TNS4: variants seen among roughly 807,000 people sequenced by gnomAD.
TNS4 encodes tensin-4.
TNS4 carries 46 observed loss-of-function variants against 70.4 expected under a neutral mutation model. The observed-to-expected ratio is 0.65, with a 90% confidence interval of 0.52 to 0.84. The LOEUF (loss-of-function observed/expected upper bound fraction) is 0.84. Ranked by LOEUF, TNS4 falls within the 40% of genes least tolerant of loss-of-function variation. The probability of loss-of-function intolerance (pLI) is 0.00; values close to 1 mark genes in which losing one functional copy is unlikely to be tolerated. For missense variants in TNS4, 863 were observed against 907.0 expected, an observed-to-expected ratio of 0.95 and a Z score of 0.62; for synonymous variants, 390 against 366.6, an observed-to-expected ratio of 1.06 and a Z score of -0.73.
Position 40,480,115 on chromosome 17 carries a change from A to C in TNS4, c.1742-273T>G. ...TGTTGCCCTGTGTGTAGAGGTGCCCAGGAAAACATCCTTCTGTCCACACTT... is the reference window on the plus strand; with the variant it reads ...TGTTGCCCTGTGTGTAGAGGTGCCCCGGAAAACATCCTTCTGTCCACACTT... On this transcript the variant is annotated intron_variant, in intron 9 of 12. Transcript: ENST00000254051. The C allele has an allele frequency of 6.9e-6, 3 of 433,140 alleles. No homozygotes were observed. In the South Asian group the frequency reaches 1.3e-4, roughly 19 times the overall value. 26.8% of individuals were successfully genotyped at this position (433,140 alleles called of 1,614,324 possible). A position where few individuals can be genotyped will look rare whatever the true frequency, so the allele number is the denominator to read the frequency against.
chr17:40,487,451 G>A lies in TNS4; in HGVS notation c.873C>T (p.Ser291=). 6.2e-7 allele frequency: 1 copy of A among 1,603,798 alleles called. No individual in the cohort carries two copies. The highest frequency in any genetic ancestry group is 2.2e-5 in the East Asian group (1 of 44,640). Residue 291 remains serine, a synonymous_variant, in exon 4 of 13, where the codon TCC becomes TCT. Transcript: ENST00000254051. ...DVSYMFGSSQ[S]LLHSSNSSHQ... ...GGCTGGAGTTGCTGGAGTGCAGGAGGGACTGGCTGCTGCAGCGGGAGAGAG... is the reference window on the plus strand; with the variant it reads ...GGCTGGAGTTGCTGGAGTGCAGGAGAGACTGGCTGCTGCAGCGGGAGAGAG...
At chr17:40,484,725 C>G (rs560172048) in intron 5 of TNS4, 116 bp from the exon 6 acceptor site, 1 of 1,507,722 alleles carries the variant, frequency 6.6e-7, no homozygotes, top group Non-Finnish European at 9.0e-7. Context: ...CCCAGGAAGT[C>G]CTTTGTACTG....
At chr17:40,494,406 C>T (rs1005679101) in intron 2 of TNS4, among the ~76,000 whole-genome samples, 27 of 152,318 alleles carry the variant, frequency 1.8e-4, no homozygotes, top group African/African-American at 6.0e-4. Flanking sequence ...TACTTAACCC[C>T]AGCAACCCCA....
intron 6 of TNS4, among the ~76,000 whole-genome samples, chr17:40,482,695 T>G (rs1597690464): frequency 6.6e-6 from 1 of 151,930 alleles, no homozygotes; most frequent in Middle Eastern, 3.4e-3. Context: ...GGAGAATTGC[T>G]TGAACCTGGG....
chr17:40,480,623 C>G (rs973868777), intron 9 of TNS4, 77 bp downstream of exon 9: 4 of 1,346,518 alleles, frequency 3.0e-6, no homozygotes, highest in African/African-American at 1.5e-5. Flanking sequence ...TGCGTGCATG[C>G]GTGCGTGTGT....
chr17:40,485,117 A>G (rs1368842876), intron 4 of TNS4, 110 bp from the exon 5 acceptor site: 3 of 910,070 alleles, frequency 3.3e-6, no homozygotes, highest in South Asian at 3.0e-5. Context: ...CCAAGGTTTC[A>G]TTCAACCACC....
intron 2 of TNS4, among the ~76,000 whole-genome samples, chr17:40,490,855 C>A (rs2036058834): frequency 6.6e-6 from 1 of 152,238 alleles, no homozygotes; most frequent in South Asian, 2.1e-4. Flanking sequence ...TGAAACCAGT[C>A]TTCCAAGGTT....
rs764094995 is a variant in TNS4 at position 40,496,008 on chromosome 17, T to A, written c.418A>T (p.Lys140Ter). 6.2e-7 allele frequency: 1 copy of A among 1,611,762 alleles called. No homozygotes were observed. The highest frequency in any genetic ancestry group is 1.7e-5 in the Admixed American group (1 of 59,382). Residue 140 changes from lysine (K) to a stop codon, truncating the protein, a stop_gained, in exon 2 of 13, where the codon AAG becomes TAG. Coordinates refer to ENST00000254051, the MANE Select transcript of TNS4 (RefSeq NM_032865.6). LOFTEE classifies it high-confidence loss of function. ...LAQSTMSMRK[K>*]EESEALDIKY... ...TTACCCAAGGCTTCAGATTCCTCCT[T>A]CTTTCTCATTGACATGGTGCTCTGG... is the stretch of plus-strand genomic sequence containing the variant.
Position 40,477,632 on chromosome 17 carries a change from T to C in TNS4, c.2104A>G (p.Ile702Val), listed in dbSNP as rs1312991718. The C allele has an allele frequency of 6.2e-7, 1 of 1,614,006 alleles. No individual in the cohort carries two copies. Among genetic ancestry groups the C allele is most frequent in the Non-Finnish European group, 8.5e-7 (1 of 1,180,020 alleles). Residue 702 changes from isoleucine (I) to valine (V), a missense_variant, in exon 13 of 13, where the codon ATC becomes GTC. By Grantham distance (29) the Ile-to-Val change is conservative (BLOSUM62 3). Transcript: ENST00000254051. ...YDMVQPASQV[I>V]GLVTALLQDA... ...TGCAGCAGAGCAGTCACCAGGCCGATGACCTGCGAGGCTGGCTGGACCATG... is the reference window on the plus strand; with the variant it reads ...TGCAGCAGAGCAGTCACCAGGCCGACGACCTGCGAGGCTGGCTGGACCATG...
In TNS4 at chr17:40,485,011, G is replaced by C; in HGVS notation, c.1289-4C>G. ...GGCTGCATGTCCCTGGCGGGACCTG[G>C]AGACAGACAGAGAAGGGGGACCCTG... On this transcript the variant is annotated splice_region_variant and splice_polypyrimidine_tract_variant and intron_variant, in intron 4 of 12. Coordinates refer to ENST00000254051, the MANE Select transcript of TNS4 (RefSeq NM_032865.6). 6.2e-7 allele frequency: 1 copy of C among 1,613,988 alleles called. No individual in the cohort carries two copies. Among genetic ancestry groups the C allele is most frequent in the Non-Finnish European group, 8.5e-7 (1 of 1,179,868 alleles).
chr17:40,490,582 CTGGGTAGGGCCATCTGGCCCTGCTCACAG>C (rs1027769502), intron 2 of TNS4, among the ~76,000 whole-genome samples: 7 of 152,184 alleles, frequency 4.6e-5, no homozygotes, highest in African/African-American at 1.7e-4. Flanking sequence ...CAGCCCGCTC[CTGGGTAGGGCCATCTGGCCCTGCTCACAG>C]TTACTGCCTC....
At chr17:40,479,988 T>C (rs1267116019) in intron 9 of TNS4, 146 bp from the exon 10 acceptor site, 3 of 1,051,568 alleles carry the variant, frequency 2.9e-6, no homozygotes, top group Non-Finnish European at 4.0e-6. Flanking sequence ...AGTGGGTGTG[T>C]GGGTGATCAC....
Position 40,480,737 on chromosome 17 carries a change from A to T in TNS4, c.1704T>A (p.Ser568=). 1 of 1,593,220 alleles carries T rather than the reference A, an allele frequency of 6.3e-7. No individual in the cohort carries two copies. Among genetic ancestry groups the T allele is most frequent in the South Asian group, 1.1e-5 (1 of 87,628 alleles). The change falls in exon 9 of 13, where the codon TCT becomes TCA. Residue 568 remains serine, a synonymous_variant. Coordinates refer to ENST00000254051, the MANE Select transcript of TNS4 (RefSeq NM_032865.6). The stretch of plus-strand genomic sequence containing the variant: ...TCTGGCAGGAGGCTGGGCTGTCTGT[A>T]GAGTCCGAGGCCCCATCTGCACCTC... The part of the protein sequence containing the change: ...ELGGADGASD[S]TDSPASCQKK...
intron 7 of TNS4, 30 bp downstream of exon 7, chr17:40,482,294 C>T (rs757429639): frequency 2.2e-5 from 36 of 1,613,420 alleles, no homozygotes; most frequent in Admixed American, 8.3e-5. Flanking sequence ...CCCCCCATCC[C>T]GGGGGAGCCT....
rs767350873 is a variant in TNS4 at position 40,496,266 on chromosome 17, T to G, written c.160A>C (p.Met54Leu). The change falls in exon 2 of 13, where the codon ATG becomes CTG. Residue 54 changes from methionine (M) to leucine (L), a missense_variant. Met to Leu is a conservative substitution (Grantham distance 15). Transcript: ENST00000254051. The part of the protein sequence containing the change: ...TTEGWGAQAL[M>L]APVPCMGPPG... ...GGCCCCATGCAGGGCACGGGGGCCA[T>G]CAGGGCCTGGGCTCCCCAGCCTTCC... The G allele has an allele frequency of 9.3e-6, 15 of 1,605,652 alleles. No individual in the cohort carries two copies. Among genetic ancestry groups the G allele is most frequent in the Non-Finnish European group, 1.1e-5 (13 of 1,176,060 alleles).
intron 2 of TNS4, 102 bp from the exon 3 acceptor site, chr17:40,489,071 T>G: frequency 1.7e-6 from 2 of 1,188,500 alleles, no homozygotes; most frequent in South Asian, 1.7e-5. Context: ...CCCCCTCTTT[T>G]ATAGAGACGA....
At position 40,496,328 on chromosome 17, in the gene TNS4, C is replaced by T; in HGVS notation, c.98G>A (p.Ser33Asn). ...EPRRTLHPAP[S>N]PSLPPQCSYY... The stretch of plus-strand genomic sequence containing the variant: ...AGAACACTGGGGTGGCAGGCTGGGG[C>T]TGGGTGCTGGGTGCAGGGTCCTCCT... The change falls in exon 2 of 13, where the codon AGC becomes AAC. Residue 33 changes from serine (S) to asparagine (N), a missense_variant. By Grantham distance (46) the Ser-to-Asn change is conservative (BLOSUM62 1). Coordinates refer to ENST00000254051, the MANE Select transcript of TNS4 (RefSeq NM_032865.6). 6.2e-7 allele frequency: 1 copy of T among 1,613,564 alleles called. No individual in the cohort carries two copies. Among genetic ancestry groups the T allele is most frequent in the South Asian group, 1.1e-5 (1 of 91,054 alleles).
At chr17:40,501,455 A>AAAAAT (rs1031071824) in intron 1 of TNS4, 79 bp downstream of exon 1, 1 of 151,950 alleles carries the variant, frequency 6.6e-6, no homozygotes, top group African/African-American at 2.4e-5. Context: ...CTCAAAAAAA[A>AAAAAT]AAAAAAAAAT....
intron 6 of TNS4, among the ~76,000 whole-genome samples, chr17:40,484,228 C>T (rs559435595): frequency 1.4e-4 from 21 of 152,282 alleles, no homozygotes; most frequent in African/African-American, 4.8e-4. Flanking sequence ...TTCTCTCCCA[C>T]CATCAGAAAA....
Sources: gnomAD v4.1 joint callset for allele counts (sites outside exome capture counted in the v4.1 genomes callset) on GRCh38, gnomAD v4.1.1 for gene constraint, MANE v1.5 for transcripts, NCBI Gene and HGNC (gene_info 2026-07-23, HGNC 2026-07-21) for gene names.